SGTA: variants seen among roughly 807,000 people sequenced by gnomAD.
The protein encoded by SGTA is small glutamine rich tetratricopeptide repeat co-chaperone alpha.
A neutral mutation model predicts 44.3 loss-of-function variants in SGTA; 22 were observed. The observed-to-expected ratio is 0.50, with a 90% CI of 0.36 to 0.71. The LOEUF (loss-of-function observed/expected upper bound fraction) is 0.71. Ranked by LOEUF, SGTA falls within the 30% of genes least tolerant of loss-of-function variation. SGTA has a pLI of 0.00. For synonymous variants in SGTA, 174 were observed against 177.6 expected (o/e 0.98, Z 0.16); for missense variants, 341 against 435.9 (o/e 0.78, Z 1.94).
intron 5 of SGTA, among the ~76,000 whole-genome samples, chr19:2,764,400 T>C (rs549624216): frequency 4.6e-5 from 7 of 152,342 alleles, no homozygotes; most frequent in Non-Finnish European, 5.9e-5. Context: ...TATGTATTTA[T>C]GTATTTATTA....
rs1310465365 is a variant in SGTA at position 2,765,656 on chromosome 19, G to A, written c.293-371C>T. Among the ~76,000 whole-genome samples, 4 of 152,176 alleles carry A rather than the reference G, an allele frequency of 2.6e-5. No individual in the cohort carries two copies. The highest frequency in any genetic ancestry group is 4.8e-5 in the African/African-American group (2 of 41,436). ...TCCCTTTCGCTATTGCTTTTGGAAAGAGCCCAAGTGGAGGCCTGTATTTTG... is the reference window on the plus strand; with the variant it reads ...TCCCTTTCGCTATTGCTTTTGGAAAAAGCCCAAGTGGAGGCCTGTATTTTG... On this transcript the variant is annotated intron_variant, in intron 4 of 11. Coordinates refer to ENST00000221566, the MANE Select transcript of SGTA (RefSeq NM_003021.4). This position sits in a 1 kb window ranked among gnomAD's most constrained non-coding sequence, Gnocchi z 5.5.
At chr19:2,760,716 A>G (rs1233469696) in intron 8 of SGTA, among the ~76,000 whole-genome samples, 1 of 152,056 alleles carries the variant, frequency 6.6e-6, no homozygotes, top group Admixed American at 6.6e-5. Context: ...CAGCTTGGCC[A>G]GCGGACGAGG....
rs1915128197 is a variant in SGTA, at chr19:2,765,938, C to T, written c.293-653G>A. On this transcript the variant is annotated intron_variant, in intron 4 of 11. Transcript: ENST00000221566. This position sits in a 1 kb window ranked among gnomAD's most constrained non-coding sequence, Gnocchi z 5.5. ...AAAGCTTACGCTTTAAAAATATAAGCCCGGGCGCGGTGGCTCATGCTTATA... is the reference window on the plus strand; with the variant it reads ...AAAGCTTACGCTTTAAAAATATAAGTCCGGGCGCGGTGGCTCATGCTTATA... Among the ~76,000 whole-genome samples, 1 of 152,178 alleles carries T rather than the reference C, an allele frequency of 6.6e-6. No homozygotes were observed. Among genetic ancestry groups the T allele is most frequent in the Non-Finnish European group, 1.5e-5 (1 of 68,030 alleles).
intron 1 of SGTA, among the ~76,000 whole-genome samples, chr19:2,779,049 C>G (rs1235008759): frequency 6.6e-6 from 1 of 152,184 alleles, no homozygotes; most frequent in Non-Finnish European, 1.5e-5. Flanking sequence ...CTGGCTCCCC[C>G]CACTGCACAC....
chr19:2,759,359 C>T, intron 8 of SGTA, 65 bp from the exon 9 acceptor site: 6 of 1,471,080 alleles, frequency 4.1e-6, no homozygotes, highest in South Asian at 2.3e-5. Context: ...TTTCATCAGA[C>T]ACTTTCCATC....
chr19:2,758,610 A>G (rs1914896690), intron 9 of SGTA, among the ~76,000 whole-genome samples: 1 of 152,224 alleles, frequency 6.6e-6, no homozygotes, highest in East Asian at 1.9e-4. Flanking sequence ...GAGTGACCCT[A>G]TGAGCCAGCG....
rs1341886692 is a variant in SGTA at position 2,765,532 on chromosome 19, GGCCTGGCCTGT to G, written c.293-258_293-248del. Among the ~76,000 whole-genome samples the G allele has an allele frequency of 2.0e-5, 3 of 152,146 alleles. No individual in the cohort carries two copies. The highest frequency in any genetic ancestry group is 7.2e-5 in the African/African-American group (3 of 41,426). On this transcript the variant is annotated intron_variant, in intron 4 of 11. Transcript: ENST00000221566. The surrounding 1 kb of genome is among the most constrained non-coding windows in gnomAD (Gnocchi z 5.5). ...GATGGAGGTGGGGGCGGCAGGGCCTGGCCTGGCCTGTGCCTGGCGACGGTGGCTGTCACTGC... is the reference window on the plus strand; with the variant it reads ...GATGGAGGTGGGGGCGGCAGGGCCTGGCCTGGCGACGGTGGCTGTCACTGC...
intron 1 of SGTA, among the ~76,000 whole-genome samples, chr19:2,782,211 G>T (rs1029338714): frequency 2.6e-5 from 4 of 152,158 alleles, no homozygotes; most frequent in African/African-American, 9.7e-5. Flanking sequence ...CCAAACCAGG[G>T]GGTCCCCCAA....
chr19:2,771,104 G>C (rs762064266), intron 1 of SGTA, among the ~76,000 whole-genome samples: 1 of 152,234 alleles, frequency 6.6e-6, no homozygotes, highest in Non-Finnish European at 1.5e-5. Flanking sequence ...TCAGCCCAGC[G>C]CTTGGCGCCC....
rs34435510 is a variant in SGTA, at chr19:2,757,430, C to T, written c.855G>A (p.Gln285=). 5.8e-4 allele frequency: 926 copies of T among 1,609,008 alleles called. 4 individuals are homozygous for T. The African/African-American group carries it at 0.011, about 19-fold the overall frequency. The change falls in exon 11 of 12, where the codon CAG becomes CAA. Residue 285 remains glutamine, a synonymous_variant. Transcript: ENST00000221566. ...GCTCTATCAACTCTGGGTTCTGCTG[C>T]TGCATCTGCTGGGCAAACTGCTGGC... ...QAGQQFAQQM[Q]QQNPELIEQL... is the part of the protein sequence containing the mutation.
Position 2,768,994 on chromosome 19 carries a change from C to G in SGTA, c.75G>C (p.Ser25=). The G allele has an allele frequency of 6.2e-7, 1 of 1,613,654 alleles. No homozygotes were observed. Among genetic ancestry groups the G allele is most frequent in the South Asian group, 1.1e-5 (1 of 91,086 alleles). The change falls in exon 2 of 12, where the codon TCG becomes TCC. Residue 25 remains serine, a synonymous_variant. Coordinates refer to ENST00000221566, the MANE Select transcript of SGTA (RefSeq NM_003021.4). ...LHDQLRHGGL[S]SDAQESLEVA... ...CTTCCAAGCTCTCCTGAGCATCGGACGAGAGGCCCCCGTGCCGGAGCTGGT... is the reference window on the plus strand; with the variant it reads ...CTTCCAAGCTCTCCTGAGCATCGGAGGAGAGGCCCCCGTGCCGGAGCTGGT...
chr19:2,780,469 T>C (rs1339981876), intron 1 of SGTA, among the ~76,000 whole-genome samples: 1 of 152,076 alleles, frequency 6.6e-6, no homozygotes, highest in Non-Finnish European at 1.5e-5. Context: ...GGAGTGTGCA[T>C]AGGAGGCCTC....
chr19:2,770,536 T>C (rs946826767), intron 1 of SGTA: 1 of 153,012 alleles, frequency 6.5e-6, no homozygotes, highest in African/African-American at 2.4e-5. Context: ...ACTCTAAACA[T>C]TCAGATGTAA....
chr19:2,763,734 C>T lies in SGTA; in HGVS notation c.416G>A (p.Gly139Asp). The change falls in exon 6 of 12, where the codon GGC becomes GAC. Residue 139 changes from glycine (G) to aspartate (D), a missense_variant. Transcript: ENST00000221566. The surrounding 1 kb of genome is among the most constrained non-coding windows in gnomAD (Gnocchi z 5.8). Reference sequence around the variant, plus strand: ...GTCCTGCACCGCGCCTGCGTAGTTGCCGAGTTTGCTGTAGGCTGCGGCTCT... The same window carrying T: ...GTCCTGCACCGCGCCTGCGTAGTTGTCGAGTTTGCTGTAGGCTGCGGCTCT... ...CNRAAAYSKL[G>D]NYAGAVQDCE... The T allele has an allele frequency of 6.2e-7, 1 of 1,613,742 alleles. No homozygotes were observed. The highest frequency in any genetic ancestry group is 8.5e-7 in the Non-Finnish European group (1 of 1,179,920).
rs1001804854 is a variant in SGTA, at chr19:2,755,642, A to G, written c.*298T>C. ...TCTGAGAGCGGCCCGGGAGCACCCCAGGATTCTAGAAAACACTCAAGTGAC... is the reference window on the plus strand; with the variant it reads ...TCTGAGAGCGGCCCGGGAGCACCCCGGGATTCTAGAAAACACTCAAGTGAC... On this transcript the variant is annotated 3_prime_UTR_variant, in exon 12 of 12. Transcript: ENST00000221566. This position sits in a 1 kb window ranked among gnomAD's most constrained non-coding sequence, Gnocchi z 5.2. 4 of 985,376 alleles carry G rather than the reference A, an allele frequency of 4.1e-6. No individual in the cohort carries two copies. The African/African-American group carries it at 5.2e-5, about 13-fold the overall frequency. The allele number at this position is 985,376 out of a possible 1,614,324, so 61.0% of individuals were successfully genotyped here. A position where few individuals can be genotyped will look rare whatever the true frequency, so the allele number is the denominator to read the frequency against.
intron 11 of SGTA, among the ~76,000 whole-genome samples, chr19:2,756,556 A>G (rs1241340227): frequency 1.3e-5 from 2 of 152,152 alleles, no homozygotes; most frequent in Admixed American, 6.6e-5. Flanking sequence ...AAGAGAGTGT[A>G]TATGAGGAGG....
chr19:2,757,348 C>G lies in SGTA; in HGVS notation c.937G>C (p.Glu313Gln), dbSNP rs138286758. The G allele has an allele frequency of 6.2e-7, 1 of 1,602,292 alleles. No homozygotes were observed. The highest frequency in any genetic ancestry group is 1.1e-5 in the South Asian group (1 of 91,080). ...CCCCATGCACTCACGCAGCGTCACT[C>G]CTGCTGGTCGTCGTTGCTGGCGCTG... ...TPSASNDDQQ[E>Q] Residue 313 changes from glutamate (E) to glutamine (Q), a missense_variant, in exon 11 of 12, where the codon GAG (glutamate) becomes CAG (glutamine). Glu to Gln is a conservative substitution (Grantham distance 29). Coordinates refer to ENST00000221566, the MANE Select transcript of SGTA (RefSeq NM_003021.4).
chr19:2,773,931 C>T (rs71339141), intron 1 of SGTA, among the ~76,000 whole-genome samples: 2 of 101,698 alleles, frequency 2.0e-5, no homozygotes, highest in Non-Finnish European at 3.5e-5. Context: ...CGCGGCCACA[C>T]GGCAGGGACT....
At chr19:2,760,476 C>A (rs1337618520) in intron 8 of SGTA, among the ~76,000 whole-genome samples, 1 of 145,596 alleles carries the variant, frequency 6.9e-6, no homozygotes, top group Non-Finnish European at 1.5e-5. Flanking sequence ...TGAGATCACA[C>A]CACTGCACTC....
Sources: allele counts gnomAD v4.1 joint callset (sites outside exome capture counted in the v4.1 genomes callset), GRCh38; gene constraint gnomAD v4.1.1; non-coding constraint Gnocchi (gnomAD v3.1); transcripts MANE v1.5; gene names NCBI Gene and HGNC (gene_info 2026-07-23, HGNC 2026-07-21).